Variants in CSMD1 observed in about 807,000 individuals in gnomAD.
CSMD1 encodes the protein CUB and Sushi multiple domains 1, also known as CUB and sushi domain-containing protein 1.
Under a neutral mutation model 417.5 loss-of-function variants are expected in CSMD1, and 213 were observed. That is an observed-to-expected ratio of 0.51 (90% CI 0.46 to 0.57). CSMD1 has a LOEUF of 0.57. CSMD1 is among the 20% of genes least tolerant of loss of function. The probability of loss-of-function intolerance (pLI) is 0.00; values close to 1 mark genes in which losing one functional copy is unlikely to be tolerated. For missense variants in CSMD1, 6,923 were observed against 4,529.7 expected (o/e 1.53, Z -15.17); for synonymous variants, 2,862 against 1,736.8 (o/e 1.65, Z -16.11).
intron 1 of CSMD1, among the ~76,000 whole-genome samples, chr8:4,650,094 C>A (rs1311407478): frequency 1.3e-5 from 2 of 152,144 alleles, no homozygotes; most frequent in Non-Finnish European, 2.9e-5. Context: ...ATATCAATGA[C>A]CAGCACTTTG....
intron 2 of CSMD1, among the ~76,000 whole-genome samples, chr8:4,594,453 G>C (rs544593775): frequency 2.0e-5 from 3 of 152,086 alleles, no homozygotes; most frequent in African/African-American, 7.2e-5. Context: ...ACGCATCTCA[G>C]CCTCCCAAAG....
At chr8:3,939,752 T>A (rs1041841362) in intron 5 of CSMD1, among the ~76,000 whole-genome samples, 13 of 152,134 alleles carry the variant, frequency 8.5e-5, no homozygotes, top group Non-Finnish European at 1.3e-4. Flanking sequence ...TTAGTCTAAG[T>A]GCAGTCACTC....
chr8:4,816,010 G>T (rs1295508559), intron 1 of CSMD1, among the ~76,000 whole-genome samples: 2 of 152,024 alleles, frequency 1.3e-5, no homozygotes, highest in Non-Finnish European at 1.5e-5. Context: ...AAAATGTCAC[G>T]CTATTAAGGA....
chr8:4,183,498 T>C (rs1488933978), intron 3 of CSMD1, among the ~76,000 whole-genome samples: 1 of 152,236 alleles, frequency 6.6e-6, no homozygotes, highest in East Asian at 1.9e-4. Context: ...CTTTGCTTTT[T>C]CTCTTCTATC....
At chr8:4,182,031 T>G (rs868317595) in intron 3 of CSMD1, among the ~76,000 whole-genome samples, 42 of 118,196 alleles carry the variant, frequency 3.6e-4, no homozygotes, top group Admixed American at 1.0e-3. Context: ...CACCCGTGTG[T>G]GTGTGTGTGT....
intron 1 of CSMD1, among the ~76,000 whole-genome samples, chr8:4,768,015 G>A (rs1033466926): frequency 1.3e-5 from 2 of 152,114 alleles, no homozygotes; most frequent in African/African-American, 4.8e-5. Flanking sequence ...TCACATTTAC[G>A]TTCAACAGAC....
intron 5 of CSMD1, among the ~76,000 whole-genome samples, chr8:3,985,797 C>G (rs1365680084): frequency 6.6e-6 from 1 of 151,124 alleles, no homozygotes; most frequent in Non-Finnish European, 1.5e-5. Context: ...ACCCTGTCGC[C>G]CAGATTGGAC....
chr8:3,856,133 G>A (rs1804293998), intron 5 of CSMD1, among the ~76,000 whole-genome samples: 1 of 152,054 alleles, frequency 6.6e-6, no homozygotes, highest in African/African-American at 2.4e-5. Flanking sequence ...ACGGGGCTTG[G>A]TGGGAGGTGA....
intron 3 of CSMD1, among the ~76,000 whole-genome samples, chr8:4,219,655 A>C (rs1800905842): frequency 6.6e-6 from 1 of 152,348 alleles, no homozygotes; most frequent in African/African-American, 2.4e-5. Context: ...ACTAATGAAG[A>C]GTGAGATCAT....
intron 7 of CSMD1, among the ~76,000 whole-genome samples, chr8:3,653,397 C>G (rs757379707): frequency 6.6e-6 from 1 of 152,092 alleles, no homozygotes; most frequent in Non-Finnish European, 1.5e-5. Flanking sequence ...CAACCTCCGC[C>G]TCCTGGATTC....
At chr8:4,885,471 T>C (rs1007367135) in intron 1 of CSMD1, among the ~76,000 whole-genome samples, 2 of 152,048 alleles carry the variant, frequency 1.3e-5, no homozygotes, top group African/African-American at 4.8e-5. Flanking sequence ...ATGTGCAATT[T>C]TCATAAATGT....
intron 1 of CSMD1, among the ~76,000 whole-genome samples, chr8:4,904,833 C>T (rs1037998112): frequency 1.3e-5 from 2 of 152,064 alleles, no homozygotes; most frequent in Non-Finnish European, 1.5e-5. Flanking sequence ...CATGAAGATC[C>T]CTATCAGCAA....
intron 1 of CSMD1, among the ~76,000 whole-genome samples, chr8:4,778,860 A>T (rs938655000): frequency 5.3e-5 from 8 of 152,246 alleles, no homozygotes; most frequent in Non-Finnish European, 1.0e-4. Context: ...ACTTTCAAGA[A>T]CTGCTATACA....
At chr8:4,851,650 C>G (rs576836940) in intron 1 of CSMD1, among the ~76,000 whole-genome samples, 1 of 152,052 alleles carries the variant, frequency 6.6e-6, no homozygotes, top group African/African-American at 2.4e-5. Flanking sequence ...CCTGACTTCT[C>G]AATGTCTCCT....
At chr8:4,273,161 T>C (rs1804708859) in intron 3 of CSMD1, among the ~76,000 whole-genome samples, 1 of 152,152 alleles carries the variant, frequency 6.6e-6, no homozygotes, top group Admixed American at 6.6e-5. Flanking sequence ...TACCTTTATC[T>C]TTTAAAAGAG....
chr8:4,452,495 A>G (rs1256269783), intron 2 of CSMD1, among the ~76,000 whole-genome samples: 1 of 152,214 alleles, frequency 6.6e-6, no homozygotes, highest in Non-Finnish European at 1.5e-5. Flanking sequence ...ATGACCTGCT[A>G]ACTACAGCTT....
At chr8:3,631,353 C>A (rs1702629569) in intron 7 of CSMD1, among the ~76,000 whole-genome samples, 1 of 152,134 alleles carries the variant, frequency 6.6e-6, no homozygotes, top group African/African-American at 2.4e-5. Context: ...GAGACTGTCA[C>A]ACAGTAAGAA....
rs188194237 is a variant in CSMD1 at position 3,620,492 on chromosome 8, T to C, written c.1010-3695A>G. Among the ~76,000 whole-genome samples the C allele has an allele frequency of 4.0e-3, 604 of 152,240 alleles. 4 individuals are homozygous for C. The highest frequency in any genetic ancestry group is 0.013 in the African/African-American group (557 of 41,546). ...TTTACGCTAATAGTTACATTATATA[T>C]AAAGATGTAATTTACAACAGCAATA... is the stretch of plus-strand genomic sequence containing the variant. On this transcript the variant is annotated intron_variant, in intron 7 of 69. Transcript: ENST00000635120.
intron 1 of CSMD1, among the ~76,000 whole-genome samples, chr8:4,647,831 G>C (rs1287328749): frequency 1.3e-5 from 2 of 152,152 alleles, no homozygotes; most frequent in African/African-American, 4.8e-5. Context: ...GGGCGTTTGG[G>C]TTGGTTCCAA....
Sources: gnomAD v4.1 joint callset for allele counts (sites outside exome capture counted in the v4.1 genomes callset) on GRCh38, gnomAD v4.1.1 for gene constraint, MANE v1.5 for transcripts, NCBI Gene and HGNC (gene_info 2026-07-23, HGNC 2026-07-21) for gene names.